Variants in AKAP8L observed in about 807,000 individuals in gnomAD.
AKAP8L encodes the protein A-kinase anchor protein 8-like.
A neutral mutation model predicts 77.5 loss-of-function variants in AKAP8L; 34 were observed. The observed-to-expected ratio is 0.44, with a 90% confidence interval of 0.33 to 0.58. The LOEUF (loss-of-function observed/expected upper bound fraction) is 0.58, where lower values mean the gene tolerates loss of function less well. Ranked by LOEUF, AKAP8L falls within the 20% of genes least tolerant of loss-of-function variation. The pLI is 0.02. For synonymous variants in AKAP8L, 342 were observed against 340.7 expected, an observed-to-expected ratio of 1.00 and a Z score of -0.04; for missense variants, 806 against 887.6, an observed-to-expected ratio of 0.91 and a Z score of 1.17.
At chr19:15,396,235 C>T (rs973378417) in intron 12 of AKAP8L, among the ~76,000 whole-genome samples, 9 of 151,970 alleles carry the variant, frequency 5.9e-5, no homozygotes, top group South Asian at 2.1e-4. Context: ...ACCTTGGATG[C>T]GAACATCTGT....
At chr19:15,405,877 G>C (rs1230826013) in intron 2 of AKAP8L, among the ~76,000 whole-genome samples, 1 of 151,780 alleles carries the variant, frequency 6.6e-6, no homozygotes, top group Non-Finnish European at 1.5e-5. Flanking sequence ...AGCCAAGATT[G>C]CACCACTGCA....
chr19:15,414,688 CTG>C (rs904929233), intron 1 of AKAP8L, among the ~76,000 whole-genome samples: 1 of 151,942 alleles, frequency 6.6e-6, no homozygotes, highest in African/African-American at 2.4e-5. Context: ...TGGGGTTTCG[CTG>C]TGTTAGCGAG....
chr19:15,409,949 C>CTTT (rs138482041), intron 2 of AKAP8L, among the ~76,000 whole-genome samples: 1 of 146,246 alleles, frequency 6.8e-6, no homozygotes, highest in Non-Finnish European at 1.5e-5. Context: ...ATCCTTTGGA[C>CTTT]TTTTTTTTTT....
At position 15,400,335 on chromosome 19, in the gene AKAP8L, T is replaced by C. The variant is rs779858902; in HGVS notation, c.1008A>G (p.Lys336=). The change falls in exon 8 of 14, where the codon AAA becomes AAG. Residue 336 remains lysine, a synonymous_variant. Transcript: ENST00000397410. ...SRVDGEDEEG[K]EDGREEGKED... is the part of the protein sequence containing the mutation. ...CTTTGCCTTCTTCTCTCCCATCCTC[T>C]TTTCCCTCCTCATCCTCTCCGTCCT... is the stretch of plus-strand genomic sequence containing the variant. The C allele has an allele frequency of 8.1e-6, 13 of 1,613,120 alleles. No individual in the cohort carries two copies. Among genetic ancestry groups the C allele is most frequent in the Non-Finnish European group, 1.1e-5 (13 of 1,179,738 alleles).
chr19:15,418,284 T>C (rs571930745), intron 1 of AKAP8L, among the ~76,000 whole-genome samples: 1 of 152,308 alleles, frequency 6.6e-6, no homozygotes, highest in South Asian at 2.1e-4. Flanking sequence ...CCGGACACGG[T>C]TCATTTGACA....
rs1461543630 is a variant in AKAP8L at position 15,403,412 on chromosome 19, C to A, written c.362+63G>T. 2.7e-6 allele frequency: 4 copies of A among 1,508,398 alleles called. No individual in the cohort carries two copies. The highest frequency in any genetic ancestry group is 3.7e-6 in the Non-Finnish European group (4 of 1,088,364). 93.4% of individuals were successfully genotyped at this position (1,508,398 alleles called of 1,614,324 possible). ...AGAGGGGCACTCAGAGAGGAAAACG[C>A]AGTGGGCAGCAGGCAGGAGCCGCCC... On this transcript the variant is annotated intron_variant, in intron 4 of 13. Coordinates refer to ENST00000397410, the MANE Select transcript of AKAP8L (RefSeq NM_014371.4). This position sits in a 1 kb window ranked among gnomAD's most constrained non-coding sequence, Gnocchi z 4.3.
chr19:15,400,436 C>A (rs193241322), intron 7 of AKAP8L, 78 bp from the exon 8 acceptor site: 34 of 1,411,472 alleles, frequency 2.4e-5, no homozygotes, highest in Non-Finnish European at 3.3e-5. Context: ...ATTAGAGCAA[C>A]GGTATATAGT....
chr19:15,380,140 G>C lies in AKAP8L; in HGVS notation c.1923C>G (p.Gly641=). ...PGLDVEDDEE[G]GGGAP ...GCTCGGGTCACGGGGCGCCCCCGCCGCCCTCCTCGTCGTCCTCCACGTCGA... is the reference window on the plus strand; with the variant it reads ...GCTCGGGTCACGGGGCGCCCCCGCCCCCCTCCTCGTCGTCCTCCACGTCGA... The change falls in exon 14 of 14, where the codon GGC becomes GGG. Residue 641 remains glycine (G), a synonymous_variant. Coordinates refer to ENST00000397410, the MANE Select transcript of AKAP8L (RefSeq NM_014371.4). The C allele has an allele frequency of 6.7e-7, 1 of 1,498,498 alleles. No homozygotes were observed. Among genetic ancestry groups the C allele is most frequent in the Non-Finnish European group, 8.8e-7 (1 of 1,132,858 alleles). The allele number at this position is 1,498,498 out of a possible 1,614,324, so 92.8% of individuals were successfully genotyped here. A position where few individuals can be genotyped will look rare whatever the true frequency, so the allele number is the denominator to read the frequency against.
At chr19:15,380,727 G>T in intron 12 of AKAP8L, 115 bp from the exon 13 acceptor site, 1 of 876,848 alleles carries the variant, frequency 1.1e-6, no homozygotes. Flanking sequence ...CGCACTTCCA[G>T]CCCCACCAAC....
At chr19:15,400,444 A>G in intron 7 of AKAP8L, 86 bp from the exon 8 acceptor site, 1 of 1,340,838 alleles carries the variant, frequency 7.5e-7, no homozygotes, top group East Asian at 2.3e-5. Flanking sequence ...AACGGTATAT[A>G]GTAAAACAGC....
In AKAP8L at chr19:15,403,909, C is replaced by T; in HGVS notation, c.121+101G>A. The T allele has an allele frequency of 2.8e-6, 4 of 1,415,024 alleles. No homozygotes were observed. Among genetic ancestry groups the T allele is most frequent in the Non-Finnish European group, 3.9e-6 (4 of 1,013,006 alleles). The allele number at this position is 1,415,024 out of a possible 1,614,324, so 87.7% of individuals were successfully genotyped here. ...GGAGTAGGTAACCCCAGAAACATGC[C>T]CCCTCCCCACTCCCAACCTTGGCCA... On this transcript the variant is annotated intron_variant, in intron 3 of 13. Transcript: ENST00000397410. This position sits in a 1 kb window ranked among gnomAD's most constrained non-coding sequence, Gnocchi z 4.3.
chr19:15,385,905 CTTTCT>C (rs1967524690), intron 12 of AKAP8L, among the ~76,000 whole-genome samples: 1 of 142,922 alleles, frequency 7.0e-6, no homozygotes, highest in African/African-American at 2.6e-5. Flanking sequence ...AGCCAACTTT[CTTTCT>C]TTTTTTTCTT....
chr19:15,398,910 T>TGCCCA lies in AKAP8L; in HGVS notation c.1157+391_1157+392insTGGGC. ...CTGCCATCTCTCCTGGGCACGGCGG[T>TGCCCA]GGCCTCTTGGCAGCTAGCTGGGGCG... On this transcript the variant is annotated intron_variant, in intron 9 of 13. Transcript: ENST00000397410. This position sits in a 1 kb window ranked among gnomAD's most constrained non-coding sequence, Gnocchi z 9.2. The TGCCCA allele has an allele frequency of 1.5e-6, 1 of 662,824 alleles. No individual in the cohort carries two copies. Among genetic ancestry groups the TGCCCA allele is most frequent in the Non-Finnish European group, 2.0e-6 (1 of 501,342 alleles). The allele number at this position is 662,824 out of a possible 1,614,324, so 41.1% of individuals were successfully genotyped here. A position where few individuals can be genotyped will look rare whatever the true frequency, so the allele number is the denominator to read the frequency against.
chr19:15,411,840 G>A (rs1384956419), intron 1 of AKAP8L, among the ~76,000 whole-genome samples: 1 of 151,998 alleles, frequency 6.6e-6, no homozygotes, highest in Non-Finnish European at 1.5e-5. Flanking sequence ...GACTGGTTGA[G>A]GCCAGGAGTT....
Position 15,403,246 on chromosome 19 carries a change from C to T in AKAP8L, c.362+229G>A, listed in dbSNP as rs999112994. Reference sequence around the variant, plus strand: ...CCCAGTCTGGGCTTGTTCCTCTCACCGCAAGCTGGGAAAGGCTGACCACCA... The same window carrying T: ...CCCAGTCTGGGCTTGTTCCTCTCACTGCAAGCTGGGAAAGGCTGACCACCA... On this transcript the variant is annotated intron_variant, in intron 4 of 13. Coordinates refer to ENST00000397410, the MANE Select transcript of AKAP8L (RefSeq NM_014371.4). The surrounding 1 kb of genome is among the most constrained non-coding windows in gnomAD (Gnocchi z 4.3). 2.7e-5 allele frequency: 15 copies of T among 560,108 alleles called. No individual in the cohort carries two copies. Among genetic ancestry groups the T allele is most frequent in the Non-Finnish European group, 4.5e-5 (14 of 310,826 alleles). 34.7% of individuals were successfully genotyped at this position (560,108 alleles called of 1,614,324 possible). A position where few individuals can be genotyped will look rare whatever the true frequency, so the allele number is the denominator to read the frequency against.
intron 12 of AKAP8L, among the ~76,000 whole-genome samples, chr19:15,390,318 C>G (rs1967634327): frequency 6.6e-6 from 1 of 150,720 alleles, no homozygotes; most frequent in Admixed American, 6.6e-5. Flanking sequence ...ATTTGGGAGG[C>G]TGAGGTGTGA....
intron 12 of AKAP8L, among the ~76,000 whole-genome samples, chr19:15,392,913 T>G (rs1396280487): frequency 6.2e-5 from 2 of 32,348 alleles, no homozygotes; most frequent in Non-Finnish European, 1.3e-4. Flanking sequence ...AAAAAAATCT[T>G]AACAATAAAG....
chr19:15,400,598 A>C, intron 7 of AKAP8L, 196 bp downstream of exon 7: 1 of 758,476 alleles, frequency 1.3e-6, no homozygotes, highest in Non-Finnish European at 2.1e-6. Context: ...ACAGGGGCTC[A>C]TCCCATTTTC....
chr19:15,413,192 TC>T (rs1358877339), intron 1 of AKAP8L, among the ~76,000 whole-genome samples: 1 of 152,150 alleles, frequency 6.6e-6, no homozygotes, highest in African/African-American at 2.4e-5. Context: ...ACTCTGCAAT[TC>T]CCCCAGGTCC....
Sources: gnomAD v4.1 joint callset for allele counts (sites outside exome capture counted in the v4.1 genomes callset) on GRCh38, gnomAD v4.1.1 for gene constraint, Gnocchi (gnomAD v3.1) non-coding constraint, MANE v1.5 for transcripts, NCBI Gene and HGNC (gene_info 2026-07-23, HGNC 2026-07-21) for gene names.